STAG1: variants seen among roughly 807,000 people sequenced by gnomAD.
STAG1 encodes cohesin subunit SA-1.
A neutral mutation model predicts 170.9 loss-of-function variants in STAG1; 26 were observed. The observed-to-expected ratio is 0.15, with a 90% CI of 0.11 to 0.21. The LOEUF is 0.21. STAG1 is among the 10% of genes least tolerant of loss of function. The pLI is 1.00. For synonymous variants in STAG1, 514 were observed against 497.7 expected (o/e 1.03, Z -0.44); for missense variants, 964 against 1,509.5 (o/e 0.64, Z 5.99).
chr3:136,469,815 C>T (rs146940538), intron 12 of STAG1, among the ~76,000 whole-genome samples: 2 of 152,068 alleles, frequency 1.3e-5, no homozygotes, highest in African/African-American at 4.8e-5. Flanking sequence ...GAACAGAGCC[C>T]TCACAAATAA....
chr3:136,367,730 A>C (rs1270373003), intron 24 of STAG1, among the ~76,000 whole-genome samples: 5 of 152,160 alleles, frequency 3.3e-5, no homozygotes, highest in Non-Finnish European at 5.9e-5. Flanking sequence ...CTCATCCTAA[A>C]CATGGTTACA....
rs1262416034 is a variant in STAG1, at chr3:136,377,683, C to T, written c.2347G>A (p.Val783Ile). 4 of 1,613,848 alleles carry T rather than the reference C, an allele frequency of 2.5e-6. No homozygotes were observed. The highest frequency in any genetic ancestry group is 2.2e-5 in the East Asian group (1 of 44,844). ...LAVCQQCLSNVNTPVKEQAFM... is the reference protein window; with the variant it reads ...LAVCQQCLSNINTPVKEQAFM... ...ACCTGTTCTTTCACTGGAGTATTAACATTAGACAGGCACTGCTGGCAAACA... is the reference window on the plus strand; with the variant it reads ...ACCTGTTCTTTCACTGGAGTATTAATATTAGACAGGCACTGCTGGCAAACA... Residue 783 changes from valine to isoleucine, a missense_variant, in exon 23 of 34, where the codon GTT (valine) becomes ATT (isoleucine). Coordinates refer to ENST00000383202, the MANE Select transcript of STAG1 (RefSeq NM_005862.3).
intron 3 of STAG1, among the ~76,000 whole-genome samples, chr3:136,614,621 T>G (rs1487529844): frequency 6.6e-6 from 1 of 152,230 alleles, no homozygotes; most frequent in African/African-American, 2.4e-5. Context: ...AGGACAACTG[T>G]ATACTATTCA....
intron 27 of STAG1, among the ~76,000 whole-genome samples, chr3:136,358,624 G>C (rs1454581625): frequency 6.6e-6 from 1 of 151,986 alleles, no homozygotes; most frequent in African/African-American, 2.4e-5. Flanking sequence ...TTCCAGGCTG[G>C]AGGGCAGTGG....
At chr3:136,594,990 G>C (rs969574739) in intron 4 of STAG1, among the ~76,000 whole-genome samples, 2 of 152,066 alleles carry the variant, frequency 1.3e-5, no homozygotes, top group African/African-American at 4.8e-5. Flanking sequence ...GGCTAGTCTC[G>C]AACTCCTGGC....
chr3:136,656,962 A>G (rs1322760534), intron 1 of STAG1, among the ~76,000 whole-genome samples: 2 of 151,972 alleles, frequency 1.3e-5, no homozygotes. Flanking sequence ...AAATGAAAAT[A>G]TATTTACACT....
At chr3:136,430,798 C>CATAG (rs1219056297) in intron 16 of STAG1, among the ~76,000 whole-genome samples, 9 of 133,254 alleles carry the variant, frequency 6.8e-5, no homozygotes, top group Non-Finnish European at 1.6e-5. Flanking sequence ...AGGAAACAGA[C>CATAG]ATAGACAGAC....
chr3:136,499,473 A>T lies in STAG1; in HGVS notation c.902+750T>A, dbSNP rs1933349351. Among the ~76,000 whole-genome samples the T allele has an allele frequency of 5.9e-5, 9 of 152,168 alleles. 1 individual carries two copies. Among genetic ancestry groups the T allele is most frequent in the Admixed American group, 5.2e-4 (8 of 15,272 alleles). On this transcript the variant is annotated intron_variant, in intron 9 of 33. Coordinates refer to ENST00000383202, the MANE Select transcript of STAG1 (RefSeq NM_005862.3). ...GACCACATCCCACCGCTCTATATTAATTAGCCAAATATACTCTCAAATGGG... is the reference window on the plus strand; with the variant it reads ...GACCACATCCCACCGCTCTATATTATTTAGCCAAATATACTCTCAAATGGG...
chr3:136,390,211 C>T (rs1194967137), intron 22 of STAG1, among the ~76,000 whole-genome samples: 1 of 152,146 alleles, frequency 6.6e-6, no homozygotes, highest in Non-Finnish European at 1.5e-5. Flanking sequence ...GGGCTGCAAA[C>T]ACAACATGGT....
At position 136,747,093 on chromosome 3, in the gene STAG1, TA is replaced by T. The variant is rs71134408; in HGVS notation, c.-84+5101del. ...CCTGGGCAACAAGAGTGAAACTGTCTAAAAAAAAAAAAAAAAAAAAAAAAAA... is the reference window on the plus strand; with the variant it reads ...CCTGGGCAACAAGAGTGAAACTGTCTAAAAAAAAAAAAAAAAAAAAAAAAA... On this transcript the variant is annotated intron_variant, in intron 1 of 33. Coordinates refer to ENST00000383202, the MANE Select transcript of STAG1 (RefSeq NM_005862.3). Among the ~76,000 whole-genome samples the T allele has an allele frequency of 8.2e-3, 487 of 59,200 alleles. 1 individual carries two copies. Among genetic ancestry groups the T allele is most frequent in the East Asian group, 0.024 (27 of 1,108 alleles). The allele number at this position is 59,200 out of a possible 152,430, so 38.8% of individuals were successfully genotyped here.
chr3:136,374,656 G>T (rs1445054408), intron 23 of STAG1, among the ~76,000 whole-genome samples: 24 of 151,184 alleles, frequency 1.6e-4, no homozygotes, highest in Non-Finnish European at 3.2e-4. Flanking sequence ...GCTGTTTAAT[G>T]TGTTTGTGTG....
At chr3:136,464,787 G>T in intron 13 of STAG1, 94 bp downstream of exon 13, 1 of 989,728 alleles carries the variant, frequency 1.0e-6, no homozygotes, top group Non-Finnish European at 1.5e-6. Flanking sequence ...TTTCAGCACT[G>T]TGTTCAGTCA....
rs79074105 is a variant in STAG1 at position 136,568,621 on chromosome 3, C to T, written c.394+144G>A. 2.8e-3 allele frequency: 1,909 copies of T among 677,204 alleles called. 6 individuals are homozygous for T. Among genetic ancestry groups the T allele is most frequent in the Non-Finnish European group, 4.6e-3 (1,762 of 385,152 alleles). 41.9% of individuals were successfully genotyped at this position (677,204 alleles called of 1,614,324 possible). On this transcript the variant is annotated intron_variant, in intron 5 of 33. Coordinates refer to ENST00000383202, the MANE Select transcript of STAG1 (RefSeq NM_005862.3). The stretch of plus-strand genomic sequence containing the variant: ...AAATGGAATATCCTTATATAACTTA[C>T]CAATAATATTCTCTATCAGAAAAAG...
At chr3:136,515,822 G>C (rs1456938238) in intron 7 of STAG1, among the ~76,000 whole-genome samples, 1 of 152,090 alleles carries the variant, frequency 6.6e-6, no homozygotes, top group Non-Finnish European at 1.5e-5. Flanking sequence ...TGATATAGTG[G>C]TATTTGCAGA....
At chr3:136,569,891 GA>G (rs1438662942) in intron 4 of STAG1, among the ~76,000 whole-genome samples, 2 of 152,004 alleles carry the variant, frequency 1.3e-5, no homozygotes, top group Non-Finnish European at 2.9e-5. Flanking sequence ...TTTAAAAAAA[GA>G]TTTAGTGTTG....
At chr3:136,523,389 A>G (rs1390461375) in intron 6 of STAG1, among the ~76,000 whole-genome samples, 6 of 146,910 alleles carry the variant, frequency 4.1e-5, no homozygotes, top group Non-Finnish European at 1.5e-5. Flanking sequence ...GTCTGTTCAT[A>G]TCCTTAGCCC....
intron 1 of STAG1, among the ~76,000 whole-genome samples, chr3:136,693,501 C>CT (rs1187719317): frequency 1.3e-5 from 2 of 152,126 alleles, no homozygotes; most frequent in Non-Finnish European, 2.9e-5. Flanking sequence ...TTTATGGCAA[C>CT]TTTTTTTGCA....
rs141541563 is a variant in STAG1, at chr3:136,414,987, C to T, written c.2196+2898G>A. ...ACATAACATTGATGGATTAGGTCCACCATCTTATGTGGGTACAGTTCATGG... is the reference window on the plus strand; with the variant it reads ...ACATAACATTGATGGATTAGGTCCATCATCTTATGTGGGTACAGTTCATGG... On this transcript the variant is annotated intron_variant, in intron 21 of 33. Coordinates refer to ENST00000383202, the MANE Select transcript of STAG1 (RefSeq NM_005862.3). Among the ~76,000 whole-genome samples the T allele has an allele frequency of 3.2e-4, 49 of 152,230 alleles. No homozygotes were observed. In the East Asian group the frequency reaches 6.0e-3, roughly 19 times the overall value.
In STAG1 at chr3:136,697,907, A is replaced by G. The variant is rs528861707; in HGVS notation, c.-84+54288T>C. Among the ~76,000 whole-genome samples the G allele has an allele frequency of 3.9e-5, 6 of 152,342 alleles. No individual in the cohort carries two copies. In the East Asian group the frequency reaches 9.6e-4, roughly 24 times the overall value. On this transcript the variant is annotated intron_variant, in intron 1 of 33. Coordinates refer to ENST00000383202, the MANE Select transcript of STAG1 (RefSeq NM_005862.3). ...ATGGGACTGCACCACAAATGTTTCA[A>G]TAAATAAACATCAGGTGCATTTAGC...
Sources: gnomAD v4.1 joint callset for allele counts (sites outside exome capture counted in the v4.1 genomes callset) on GRCh38, gnomAD v4.1.1 for gene constraint, MANE v1.5 for transcripts, NCBI Gene and HGNC (gene_info 2026-07-23, HGNC 2026-07-21) for gene names.